AKAP11: variants seen among roughly 807,000 people sequenced by gnomAD.
The protein encoded by AKAP11 is A-kinase anchor protein 11.
AKAP11 carries 36 observed loss-of-function variants against 146.1 expected under a neutral mutation model. The ratio of observed to expected loss-of-function variants is 0.25; its 90% confidence interval spans 0.19 to 0.33. AKAP11 has a LOEUF of 0.33. Among genes scored for constraint, AKAP11 ranks in the 10% least tolerant of loss-of-function variants. AKAP11 has a pLI of 1.00. For missense variants in AKAP11, 2,201 were observed against 2,197.0 expected (o/e 1.00, Z -0.04); for synonymous variants, 780 against 786.5 (o/e 0.99, Z 0.14).
chr13:42,296,629 G>A (rs556982031), intron 5 of AKAP11, among the ~76,000 whole-genome samples: 1 of 151,844 alleles, frequency 6.6e-6, no homozygotes, highest in South Asian at 2.1e-4. Flanking sequence ...ATAGAAAAAC[G>A]GATTATATTG....
At position 42,302,303 on chromosome 13, in the gene AKAP11, A is replaced by T; in HGVS notation, c.3557A>T (p.Asp1186Val). 6.2e-7 allele frequency: 1 copy of T among 1,614,188 alleles called. No individual in the cohort carries two copies. The highest frequency in any genetic ancestry group is 8.5e-7 in the Non-Finnish European group (1 of 1,180,034). ...GAAAGTGGAGAGCTCCCAGAAGTGGATGTGAAGTCGGAGCACTCAGGGAAG... is the reference window on the plus strand; with the variant it reads ...GAAAGTGGAGAGCTCCCAGAAGTGGTTGTGAAGTCGGAGCACTCAGGGAAG... ...SSESGELPEV[D>V]VKSEHSGKKV... Residue 1186 changes from aspartate to valine, a missense_variant, in exon 8 of 13, where the codon GAT becomes GTT. Physicochemically the swap from Asp to Val is radical, Grantham distance 152 (BLOSUM62 -3). Transcript: ENST00000025301.
intron 8 of AKAP11, among the ~76,000 whole-genome samples, chr13:42,305,447 A>G (rs1471709275): frequency 6.6e-6 from 1 of 152,188 alleles, no homozygotes; most frequent in African/African-American, 2.4e-5. Flanking sequence ...AGGGGTTGGC[A>G]AACTACAGTC....
At chr13:42,313,597 A>T (rs947598215) in intron 10 of AKAP11, among the ~76,000 whole-genome samples, 1 of 152,232 alleles carries the variant, frequency 6.6e-6, no homozygotes, top group Non-Finnish European at 1.5e-5. Context: ...TTAAATTAGT[A>T]GACTATTTCA....
intron 1 of AKAP11, among the ~76,000 whole-genome samples, chr13:42,281,668 A>G (rs893045320): frequency 6.6e-6 from 1 of 152,150 alleles, no homozygotes; most frequent in East Asian, 1.9e-4. Context: ...GTATCTACCC[A>G]GATGAAACCA....
rs891014386 is a variant in AKAP11, at chr13:42,301,513, C to G, written c.2767C>G (p.Gln923Glu). 2 of 1,613,892 alleles carry G rather than the reference C, an allele frequency of 1.2e-6. No homozygotes were observed. Among genetic ancestry groups the G allele is most frequent in the African/African-American group, 2.7e-5 (2 of 74,914 alleles). The change falls in exon 8 of 13, where the codon CAG becomes GAG. Residue 923 changes from glutamine to glutamate, a missense_variant. This residue lies in a region of AKAP11 where 1,867 missense variants were observed against 1,833.5 expected (regional missense o/e 1.02). Coordinates refer to ENST00000025301, the MANE Select transcript of AKAP11 (RefSeq NM_016248.4). ...EKTPPFSHCD[Q>E]AVLQCSEASS... The stretch of plus-strand genomic sequence containing the variant: ...AACCCCTCCATTTTCCCACTGTGAT[C>G]AGGCAGTGCTGCAATGCAGTGAAGC...
chr13:42,310,896 T>C (rs1372932855), intron 9 of AKAP11, among the ~76,000 whole-genome samples: 1 of 151,650 alleles, frequency 6.6e-6, no homozygotes, highest in Non-Finnish European at 1.5e-5. Flanking sequence ...TGAAAACACC[T>C]TGCCAGTTTC....
At chr13:42,297,282 T>G (rs1214355945) in intron 6 of AKAP11, 100 bp downstream of exon 6, 2 of 919,956 alleles carry the variant, frequency 2.2e-6, no homozygotes, top group East Asian at 6.1e-5. Flanking sequence ...ACATTTGTTT[T>G]TTTTAAATGG....
intron 4 of AKAP11, among the ~76,000 whole-genome samples, chr13:42,292,926 T>G (rs888401471): frequency 6.6e-6 from 1 of 152,220 alleles, no homozygotes; most frequent in South Asian, 2.1e-4. Context: ...GAAAAAGTAG[T>G]GATAAATTTA....
intron 5 of AKAP11, among the ~76,000 whole-genome samples, chr13:42,296,122 A>C (rs895761618): frequency 6.6e-6 from 1 of 152,214 alleles, no homozygotes; most frequent in African/African-American, 2.4e-5. Context: ...AAGTTCCTGT[A>C]CATATGATAG....
chr13:42,288,787 A>G (rs1959184963), intron 3 of AKAP11, among the ~76,000 whole-genome samples: 1 of 152,056 alleles, frequency 6.6e-6, no homozygotes, highest in South Asian at 2.1e-4. Context: ...TTCTTGTACC[A>G]TGTTTCACAT....
intron 1 of AKAP11, among the ~76,000 whole-genome samples, chr13:42,276,923 G>T (rs147504310): frequency 2.6e-5 from 4 of 152,124 alleles, no homozygotes; most frequent in African/African-American, 7.2e-5. Context: ...TGTGTTCCTG[G>T]GTTAAAATTC....
chr13:42,321,673 A>G lies in AKAP11; in HGVS notation c.*2445A>G, dbSNP rs1961092618. 1 of 152,310 alleles carries G rather than the reference A, an allele frequency of 6.6e-6. No individual in the cohort carries two copies. Among genetic ancestry groups the G allele is most frequent in the African/African-American group, 2.4e-5 (1 of 41,456 alleles). The allele number at this position is 152,310 out of a possible 1,614,324, so 9.4% of individuals were successfully genotyped here. On this transcript the variant is annotated 3_prime_UTR_variant, in exon 13 of 13. Transcript: ENST00000025301. ...TGTAAAGGCACTTTGTGGTTTTTCCAAAGATGTTCTAGATCTATTTGGTTG... is the reference window on the plus strand; with the variant it reads ...TGTAAAGGCACTTTGTGGTTTTTCCGAAGATGTTCTAGATCTATTTGGTTG...
Position 42,303,290 on chromosome 13 carries a change from C to T in AKAP11, c.4544C>T (p.Ser1515Leu), listed in dbSNP as rs777555747. ...TTGCCTAAGTCTCTTCAGCCTTCCTCACAAAATCACAGGTTTTACCACAGC... is the reference window on the plus strand; with the variant it reads ...TTGCCTAAGTCTCTTCAGCCTTCCTTACAAAATCACAGGTTTTACCACAGC... Reference protein sequence around the residue: ...PELPKSLQPSSQNHRFYHSTG... With the variant: ...PELPKSLQPSLQNHRFYHSTG... Residue 1515 changes from serine (S) to leucine (L), a missense_variant, in exon 8 of 13, where the codon TCA becomes TTA. Physicochemically the swap from Ser to Leu is moderately radical, Grantham distance 145 (BLOSUM62 -2). This residue lies in a region of AKAP11 where 1,867 missense variants were observed against 1,833.5 expected (regional missense o/e 1.02). Transcript: ENST00000025301. 5 of 1,612,988 alleles carry T rather than the reference C, an allele frequency of 3.1e-6. No individual in the cohort carries two copies. Among genetic ancestry groups the T allele is most frequent in the Non-Finnish European group, 3.4e-6 (4 of 1,180,008 alleles).
chr13:42,315,612 T>C (rs1254913068), intron 11 of AKAP11, among the ~76,000 whole-genome samples: 1 of 152,230 alleles, frequency 6.6e-6, no homozygotes, highest in Non-Finnish European at 1.5e-5. Context: ...GAAATTTATC[T>C]TGAAAAAGAT....
intron 11 of AKAP11, among the ~76,000 whole-genome samples, chr13:42,314,957 C>G (rs1176048240): frequency 6.6e-6 from 1 of 152,042 alleles, no homozygotes; most frequent in African/African-American, 2.4e-5. Context: ...TCATTATATT[C>G]AGGCGGTTGT....
intron 12 of AKAP11, 32 bp downstream of exon 12, chr13:42,317,720 C>G: frequency 6.3e-7 from 1 of 1,598,132 alleles, no homozygotes; most frequent in Non-Finnish European, 8.5e-7. Context: ...TGTGAGGATA[C>G]ATTTAACAGT....
At chr13:42,295,769 G>C in intron 5 of AKAP11, 27 bp downstream of exon 5, 2 of 1,598,182 alleles carry the variant, frequency 1.3e-6, no homozygotes, top group Non-Finnish European at 1.7e-6. Flanking sequence ...CATTTTTACT[G>C]AGTATTCTTG....
Position 42,300,936 on chromosome 13 carries a change from A to G in AKAP11, c.2190A>G (p.Ala730=). ...CGGATAATATCAAGTATGTGAGTGCAGAAAGTGTAGTGCCATCGACACAGG... is the reference window on the plus strand; with the variant it reads ...CGGATAATATCAAGTATGTGAGTGCGGAAAGTGTAGTGCCATCGACACAGG... ...VSTDNIKYVS[A]ESVVPSTQAV... The change falls in exon 8 of 13, where the codon GCA becomes GCG. Residue 730 remains alanine, a synonymous_variant. Coordinates refer to ENST00000025301, the MANE Select transcript of AKAP11 (RefSeq NM_016248.4). 6.2e-7 allele frequency: 1 copy of G among 1,614,182 alleles called. No individual in the cohort carries two copies. Among genetic ancestry groups the G allele is most frequent in the Non-Finnish European group, 8.5e-7 (1 of 1,179,992 alleles).
At chr13:42,317,992 C>A (rs1209325950) in intron 12 of AKAP11, among the ~76,000 whole-genome samples, 1 of 152,176 alleles carries the variant, frequency 6.6e-6, no homozygotes, top group African/African-American at 2.4e-5. Context: ...TAACACTAAG[C>A]TCTCAAAGGT....
Sources: allele counts gnomAD v4.1 joint callset (sites outside exome capture counted in the v4.1 genomes callset), GRCh38; gene constraint gnomAD v4.1.1; regional missense constraint gnomAD v4.1.1; transcripts MANE v1.5; gene names NCBI Gene and HGNC (gene_info 2026-07-23, HGNC 2026-07-21).